Variants in DLC1 observed in about 807,000 individuals in gnomAD.
DLC1 encodes the protein DLC1 Rho GTPase activating protein.
In DLC1, 54 loss-of-function variants were observed where a neutral mutation model predicts 140.3. The observed-to-expected ratio is 0.38, with a 90% CI of 0.31 to 0.48. DLC1 has a LOEUF of 0.48. Ranked by LOEUF, DLC1 falls within the 20% of genes least tolerant of loss-of-function variation. DLC1 has a pLI of 0.96. For missense variants in DLC1, 2,536 were observed against 1,907.0 expected, an observed-to-expected ratio of 1.33 and a Z score of -6.14; for synonymous variants, 986 against 728.1, an observed-to-expected ratio of 1.35 and a Z score of -5.70.
chr8:13,188,026 T>C (rs961670276), intron 5 of DLC1, among the ~76,000 whole-genome samples: 9 of 151,996 alleles, frequency 5.9e-5, no homozygotes, highest in African/African-American at 1.9e-4. Flanking sequence ...GGAGTTTAGG[T>C]TGCTATACAG....
chr8:13,338,468 A>G (rs1327002919), intron 4 of DLC1: 1 of 152,218 alleles, frequency 6.6e-6, no homozygotes, highest in Admixed American at 6.5e-5. Context: ...TGCTACAAAA[A>G]GAGAAACTCT....
intron 10 of DLC1, among the ~76,000 whole-genome samples, chr8:13,098,021 A>G (rs1443741766): frequency 1.4e-5 from 2 of 140,870 alleles, no homozygotes; most frequent in East Asian, 4.0e-4. Flanking sequence ...CCATCTCTTC[A>G]AAAAGGAAAA....
At chr8:13,567,010 T>C (rs964988020) in intron 1 of DLC1, 1 of 1,549,714 alleles carries the variant, frequency 6.5e-7, no homozygotes, top group East Asian at 2.4e-5. Flanking sequence ...CTGCCCAGAA[T>C]TGGCCCAAAC....
At chr8:13,138,065 T>C (rs1256450180) in intron 5 of DLC1, among the ~76,000 whole-genome samples, 2 of 152,226 alleles carry the variant, frequency 1.3e-5, no homozygotes, top group Admixed American at 1.3e-4. Flanking sequence ...TACTCTATTT[T>C]AATAATTGAT....
chr8:13,106,533 G>T (rs1239416171), intron 7 of DLC1, among the ~76,000 whole-genome samples: 2 of 152,132 alleles, frequency 1.3e-5, no homozygotes, highest in Non-Finnish European at 2.9e-5. Context: ...CTTTATTATA[G>T]AAATGGGGTC....
intron 8 of DLC1, among the ~76,000 whole-genome samples, chr8:13,101,447 G>A (rs1039981331): frequency 2.6e-5 from 4 of 152,180 alleles, no homozygotes; most frequent in Non-Finnish European, 4.4e-5. Flanking sequence ...CCATTGTGCT[G>A]TCTTTTGTTG....
intron 5 of DLC1, among the ~76,000 whole-genome samples, chr8:13,243,355 A>G (rs571763169): frequency 1.0e-3 from 153 of 149,282 alleles, no homozygotes; most frequent in African/African-American, 3.5e-3. Context: ...TCCTGCCACC[A>G]TGTGAAGATG....
Position 13,088,609 on chromosome 8 carries a change from G to C in DLC1, c.4170C>G (p.His1390Gln). 6.2e-7 allele frequency: 1 copy of C among 1,614,160 alleles called. No homozygotes were observed. The change falls in exon 16 of 18, where the codon CAC becomes CAG. Residue 1390 changes from histidine (H) to glutamine (Q), a missense_variant. Coordinates refer to ENST00000276297, the MANE Select transcript of DLC1 (RefSeq NM_182643.3). ...EILKRLLKEQ[H>Q]LWDVDLLDSK... ...AATCCAACAGGTCTACATCCCAGAGGTGCTGTTCTTTAAGTAGGCGCTTTA... is the reference window on the plus strand; with the variant it reads ...AATCCAACAGGTCTACATCCCAGAGCTGCTGTTCTTTAAGTAGGCGCTTTA...
intron 2 of DLC1, among the ~76,000 whole-genome samples, chr8:13,405,221 G>C (rs1429190335): frequency 6.6e-6 from 1 of 152,032 alleles, no homozygotes; most frequent in Non-Finnish European, 1.5e-5. Context: ...CTGAGGTCTG[G>C]GGTATGACTG....
At chr8:13,564,876 T>C (rs1207718904) in intron 1 of DLC1, among the ~76,000 whole-genome samples, 2 of 152,220 alleles carry the variant, frequency 1.3e-5, no homozygotes, top group East Asian at 1.9e-4. Context: ...CTGACTGGAC[T>C]CTCTTTTCTA....
intron 5 of DLC1, among the ~76,000 whole-genome samples, chr8:13,123,207 T>C (rs147329534): frequency 3.6e-4 from 55 of 152,264 alleles, no homozygotes; most frequent in African/African-American, 1.1e-3. Flanking sequence ...GCCCCTTTCA[T>C]TGGTGAAAGC....
At chr8:13,469,005 G>C (rs1800082414) in intron 2 of DLC1, among the ~76,000 whole-genome samples, 1 of 151,830 alleles carries the variant, frequency 6.6e-6, no homozygotes, top group Non-Finnish European at 1.5e-5. Context: ...AATTTTAGTG[G>C]AGATGGGGTT....
intron 1 of DLC1, 116 bp downstream of exon 1, chr8:13,514,486 C>A (rs1268158721): frequency 5.0e-6 from 2 of 397,520 alleles, no homozygotes; most frequent in Non-Finnish European, 8.9e-6. Flanking sequence ...GATTTTATGG[C>A]TTTGCTCTAA....
intron 1 of DLC1, among the ~76,000 whole-genome samples, chr8:13,576,110 T>C (rs1585292763): frequency 6.6e-6 from 1 of 152,328 alleles, no homozygotes; most frequent in South Asian, 2.1e-4. Flanking sequence ...TAGATCACAC[T>C]CTTTATCAGA....
chr8:13,319,697 A>G (rs114090670), intron 4 of DLC1, among the ~76,000 whole-genome samples: 215 of 152,190 alleles, frequency 1.4e-3, no homozygotes, highest in African/African-American at 4.9e-3. Flanking sequence ...TCGTCAGCCA[A>G]TTAAACCTCT....
At chr8:13,190,651 T>A (rs1367193263) in intron 5 of DLC1, among the ~76,000 whole-genome samples, 1 of 152,158 alleles carries the variant, frequency 6.6e-6, no homozygotes, top group Non-Finnish European at 1.5e-5. Context: ...CAGTTATGTT[T>A]AGAGAAGTAC....
intron 4 of DLC1, among the ~76,000 whole-genome samples, chr8:13,373,586 A>G (rs1423057177): frequency 6.6e-6 from 1 of 152,218 alleles, no homozygotes; most frequent in South Asian, 2.1e-4. Flanking sequence ...GATTTACACA[A>G]CATGCAAATA....
intron 2 of DLC1, among the ~76,000 whole-genome samples, chr8:13,459,373 A>G (rs1179091793): frequency 1.3e-5 from 2 of 152,160 alleles, no homozygotes; most frequent in Admixed American, 1.3e-4. Flanking sequence ...ATTCCAAGCC[A>G]TGGCTTTCTT....
intron 5 of DLC1, chr8:13,133,191 TG>T: frequency 5.6e-6 from 8 of 1,428,046 alleles, no homozygotes; most frequent in Non-Finnish European, 3.6e-6. Flanking sequence ...CTCAGGGAGT[TG>T]GGCGAGAAGT....
Sources: allele counts gnomAD v4.1 joint callset (sites outside exome capture counted in the v4.1 genomes callset), GRCh38; gene constraint gnomAD v4.1.1; transcripts MANE v1.5; gene names NCBI Gene and HGNC (gene_info 2026-07-23, HGNC 2026-07-21).